Variants in DTNA observed in about 807,000 individuals in gnomAD.
DTNA encodes dystrophin-related protein 3.
A neutral mutation model predicts 100.7 loss-of-function variants in DTNA; 43 were observed. The observed-to-expected ratio is 0.43, with a 90% CI of 0.33 to 0.55. The LOEUF (loss-of-function observed/expected upper bound fraction) is 0.55, where lower values mean the gene tolerates loss of function less well. Ranked by LOEUF, DTNA falls within the 20% of genes least tolerant of loss-of-function variation. The probability of loss-of-function intolerance (pLI) is 0.04; values close to 1 mark genes in which losing one functional copy is unlikely to be tolerated. For synonymous variants in DTNA, 349 were observed against 347.9 expected, an observed-to-expected ratio of 1.00 and a Z score of -0.04; for missense variants, 798 against 953.9, an observed-to-expected ratio of 0.84 and a Z score of 2.15.
At chr18:34,554,509 G>T (rs1026350074) in intron 1 of DTNA, among the ~76,000 whole-genome samples, 2 of 150,724 alleles carry the variant, frequency 1.3e-5, no homozygotes, top group Admixed American at 1.3e-4. Context: ...TTGGCTGTGG[G>T]TTTGTCATAG....
intron 9 of DTNA, chr18:34,822,534 G>A (rs1048345064): frequency 1.3e-5 from 2 of 152,358 alleles, no homozygotes; most frequent in African/African-American, 4.8e-5. Context: ...GAATTAGAAC[G>A]TGATGCACTG....
chr18:34,528,032 G>A (rs1214207773), intron 1 of DTNA, among the ~76,000 whole-genome samples: 2 of 151,996 alleles, frequency 1.3e-5, no homozygotes, highest in Non-Finnish European at 2.9e-5. Context: ...CTGCTACTGT[G>A]GTTGATTTTT....
At chr18:34,738,707 G>T (rs527318175) in intron 1 of DTNA, among the ~76,000 whole-genome samples, 4 of 152,162 alleles carry the variant, frequency 2.6e-5, no homozygotes, top group Non-Finnish European at 5.9e-5. Flanking sequence ...AGAGGACAGC[G>T]CGTGACGGTG....
chr18:34,877,911 T>G (rs780691096), intron 19 of DTNA, 103 bp downstream of exon 19: 4 of 1,005,134 alleles, frequency 4.0e-6, no homozygotes, highest in Non-Finnish European at 6.1e-6. Context: ...ATCAAAAGAT[T>G]CTTTAAAGCT....
At chr18:34,537,808 G>T (rs2043862383) in intron 1 of DTNA, among the ~76,000 whole-genome samples, 1 of 151,852 alleles carries the variant, frequency 6.6e-6, no homozygotes, top group Non-Finnish European at 1.5e-5. Context: ...TTTATAGGAA[G>T]GAGGAGACAG....
At chr18:34,863,518 T>C (rs1435225993) in intron 16 of DTNA, among the ~76,000 whole-genome samples, 3 of 117,114 alleles carry the variant, frequency 2.6e-5, no homozygotes, top group Non-Finnish European at 5.1e-5. Flanking sequence ...TGTACTTTTC[T>C]AAATATATTT....
chr18:34,512,664 G>C (rs2041208335), intron 1 of DTNA, among the ~76,000 whole-genome samples: 1 of 152,038 alleles, frequency 6.6e-6, no homozygotes, highest in Non-Finnish European at 1.5e-5. Context: ...TGGTGTTACT[G>C]TTCTCTGAAA....
intron 5 of DTNA, among the ~76,000 whole-genome samples, chr18:34,807,077 CAT>C (rs945076427): frequency 3.3e-5 from 5 of 152,106 alleles, no homozygotes; most frequent in Non-Finnish European, 5.9e-5. Context: ...TTCGGTAAAA[CAT>C]AGATTTCTGG....
intron 2 of DTNA, among the ~76,000 whole-genome samples, chr18:34,763,748 A>G (rs1034244769): frequency 2.8e-4 from 42 of 152,210 alleles, no homozygotes; most frequent in Admixed American, 1.8e-3. Context: ...GGTGACTAGA[A>G]TGTTTAAGGG....
intron 14 of DTNA, among the ~76,000 whole-genome samples, chr18:34,849,999 A>G (rs1360013939): frequency 6.6e-6 from 1 of 152,204 alleles, no homozygotes; most frequent in Non-Finnish European, 1.5e-5. Flanking sequence ...TCTGGAGAAC[A>G]TTAGTAACTT....
intron 1 of DTNA, among the ~76,000 whole-genome samples, chr18:34,600,106 A>T (rs1351665368): frequency 6.6e-6 from 1 of 152,192 alleles, no homozygotes; most frequent in Non-Finnish European, 1.5e-5. Flanking sequence ...AAGTTAGAGG[A>T]TAGTCTTGAG....
In DTNA at chr18:34,753,592, T is replaced by C. The variant is rs999042989; in HGVS notation, c.-1-2384T>C. ...AGAGACGGGGTTTCACCGTTTTAGC[T>C]GGGATGGTCTCGATCTCCTGACCTC... On this transcript the variant is annotated intron_variant, in intron 1 of 22. Coordinates refer to ENST00000444659, the MANE Select transcript of DTNA (RefSeq NM_001386795.1). Among the ~76,000 whole-genome samples, 50 of 141,050 alleles carry C rather than the reference T, an allele frequency of 3.5e-4. No homozygotes were observed. In the South Asian group the frequency reaches 4.4e-3, roughly 13 times the overall value. 92.5% of individuals were successfully genotyped at this position (141,050 alleles called of 152,430 possible). A position where few individuals can be genotyped will look rare whatever the true frequency, so the allele number is the denominator to read the frequency against.
At chr18:34,865,256 C>CT (rs376169647) in intron 17 of DTNA, among the ~76,000 whole-genome samples, 2,065 of 151,516 alleles carry the variant, frequency 0.014, 29 homozygotes, top group African/African-American at 0.048. Flanking sequence ...TTCTTTCTCT[C>CT]TTTTTTTTGT....
rs144173004 is a variant in DTNA at position 34,544,972 on chromosome 18, G to A, written c.-2+51458G>A. On this transcript the variant is annotated intron_variant, in intron 1 of 19. Transcript: ENST00000283365. Reference sequence around the variant, plus strand: ...AGAAAAGATGATGTTGTTTAATACTGTGATTCCAACAAGTGGCAGATAAAG... The same window carrying A: ...AGAAAAGATGATGTTGTTTAATACTATGATTCCAACAAGTGGCAGATAAAG... 4.7e-3 allele frequency among the ~76,000 whole-genome samples: 721 copies of A among 152,152 alleles called. 7 individuals carry two copies. Among genetic ancestry groups the A allele is most frequent in the African/African-American group, 0.016 (678 of 41,552 alleles).
At chr18:34,673,747 G>A (rs2077059406) in intron 1 of DTNA, among the ~76,000 whole-genome samples, 1 of 152,046 alleles carries the variant, frequency 6.6e-6, no homozygotes, top group Admixed American at 6.6e-5. Flanking sequence ...TTTTTTTCCT[G>A]TTGACAGCTA....
intron 1 of DTNA, among the ~76,000 whole-genome samples, chr18:34,670,303 T>C (rs2076565924): frequency 6.6e-6 from 1 of 152,196 alleles, no homozygotes; most frequent in Admixed American, 6.5e-5. Flanking sequence ...CTGCATTGGT[T>C]ATTCTAGTTA....
intron 1 of DTNA, among the ~76,000 whole-genome samples, chr18:34,537,814 G>A (rs1419713542): frequency 2.0e-5 from 3 of 151,706 alleles, no homozygotes; most frequent in African/African-American, 7.3e-5. Flanking sequence ...GGAAGGAGGA[G>A]ACAGAGGTAG....
intron 17 of DTNA, chr18:34,868,618 A>G (rs1466407864): frequency 1.0e-6 from 1 of 985,344 alleles, no homozygotes; most frequent in African/African-American, 1.7e-5. Context: ...TTGCTTTATC[A>G]TAAGTCTGTG....
At chr18:34,831,393 T>G (rs1466345151) in intron 11 of DTNA, among the ~76,000 whole-genome samples, 1 of 152,232 alleles carries the variant, frequency 6.6e-6, no homozygotes, top group Non-Finnish European at 1.5e-5. Flanking sequence ...AGGAAATTGC[T>G]TACAATTCAT....
Sources: allele counts gnomAD v4.1 joint callset (sites outside exome capture counted in the v4.1 genomes callset), GRCh38; gene constraint gnomAD v4.1.1; transcripts MANE v1.5; gene names NCBI Gene and HGNC (gene_info 2026-07-23, HGNC 2026-07-21).